The following ASXL3 variants were observed in gnomAD, a reference collection of about 807,000 sequenced individuals.
ASXL3 encodes the protein ASXL transcriptional regulator 3.
Under a neutral mutation model 170.6 loss-of-function variants are expected in ASXL3, and 34 were observed. That is an observed-to-expected ratio of 0.20 (90% confidence interval 0.15 to 0.27). ASXL3 has a LOEUF of 0.27. ASXL3 is among the 10% of genes least tolerant of loss of function. ASXL3 has a pLI of 1.00. For missense variants in ASXL3, 2,592 were observed against 2,695.3 expected, an observed-to-expected ratio of 0.96 and a Z score of 0.85; for synonymous variants, 1,002 against 989.1, an observed-to-expected ratio of 1.01 and a Z score of -0.24.
intron 4 of ASXL3, among the ~76,000 whole-genome samples, chr18:33,653,659 A>G (rs1005750921): frequency 3.9e-5 from 6 of 152,064 alleles, no homozygotes; most frequent in African/African-American, 1.4e-4. Flanking sequence ...TCAAAAGATC[A>G]TGAAGCCCTG....
At chr18:33,675,363 C>A (rs535370264) in intron 7 of ASXL3, among the ~76,000 whole-genome samples, 1 of 152,208 alleles carries the variant, frequency 6.6e-6, no homozygotes, top group East Asian at 1.9e-4. Flanking sequence ...TCTATTTTTT[C>A]CACCTGAGTT....
chr18:33,720,180 A>C (rs2067235369), intron 8 of ASXL3, among the ~76,000 whole-genome samples: 1 of 152,076 alleles, frequency 6.6e-6, no homozygotes. Flanking sequence ...CTATTAAAAA[A>C]GACATTTTAC....
chr18:33,729,102 G>C (rs1858737937), intron 8 of ASXL3, among the ~76,000 whole-genome samples: 1 of 151,646 alleles, frequency 6.6e-6, no homozygotes, highest in Admixed American at 6.6e-5. Flanking sequence ...AACCTCCTCA[G>C]CTCTTTCCTC....
intron 7 of ASXL3, among the ~76,000 whole-genome samples, chr18:33,677,830 G>A (rs148775761): frequency 4.6e-5 from 7 of 152,198 alleles, no homozygotes; most frequent in African/African-American, 1.7e-4. Context: ...CCTTCTGATA[G>A]ATATTTTTCC....
chr18:33,615,878 A>G (rs2065414518), intron 2 of ASXL3, among the ~76,000 whole-genome samples: 2 of 152,124 alleles, frequency 1.3e-5, no homozygotes. Context: ...TGAATTTCTA[A>G]TCTGGCCGTT....
rs2067637004 is a variant in ASXL3 at position 33,740,214 on chromosome 18, C to T, written c.2810C>T (p.Ser937Leu). ...QGSTQSRLET[S>L]HTSKSSEPSK... ...AGTACACAGAGTCGGTTAGAAACCT[C>T]ACATACTTCCAAGTCATCAGAGCCC... Residue 937 changes from serine to leucine, a missense_variant, in exon 11 of 12, where the codon TCA becomes TTA. Ser to Leu is a moderately radical substitution (Grantham distance 145). This residue lies in a region of ASXL3 where 2,246 missense variants were observed against 2,219.6 expected (regional missense o/e 1.01). Transcript: ENST00000269197. 1 of 1,613,680 alleles carries T rather than the reference C, an allele frequency of 6.2e-7. No individual in the cohort carries two copies. The highest frequency in any genetic ancestry group is 1.1e-5 in the South Asian group (1 of 91,072).
At chr18:33,623,854 T>A (rs951804889) in intron 2 of ASXL3, among the ~76,000 whole-genome samples, 1 of 152,160 alleles carries the variant, frequency 6.6e-6, no homozygotes, top group Admixed American at 6.6e-5. Context: ...TTGTTTTTAA[T>A]ATATATTAAC....
At position 33,746,210 on chromosome 18, in the gene ASXL3, A is replaced by C. The variant is rs372915241; in HGVS notation, c.6362A>C (p.Asp2121Ala). The C allele has an allele frequency of 1.9e-6, 3 of 1,613,870 alleles. No homozygotes were observed. The East Asian group carries it at 6.7e-5, about 36-fold the overall frequency. ...QLKAFALKSA[D>A]FSSYLLSEPQ... ...AAAGCATTCGCGCTAAAAAGTGCAG[A>C]TTTCTCTTCCTATTTGCTTTCTGAG... Residue 2121 changes from aspartate (D) to alanine (A), a missense_variant, in exon 12 of 12, where the codon GAT becomes GCT. Transcript: ENST00000269197.
chr18:33,653,756 C>T (rs1020123763), intron 4 of ASXL3, among the ~76,000 whole-genome samples: 3 of 151,990 alleles, frequency 2.0e-5, no homozygotes, highest in African/African-American at 7.2e-5. Context: ...GGATAGAAAT[C>T]GCACAGTCCC....
chr18:33,662,607 CAA>C (rs553078319), intron 5 of ASXL3, among the ~76,000 whole-genome samples: 39 of 152,194 alleles, frequency 2.6e-4, no homozygotes, highest in African/African-American at 9.1e-4. Flanking sequence ...GATGATAACA[CAA>C]AGAGTGTCAG....
chr18:33,584,180 C>G (rs770567401), intron 1 of ASXL3, among the ~76,000 whole-genome samples: 1 of 151,936 alleles, frequency 6.6e-6, no homozygotes, highest in African/African-American at 2.4e-5. Context: ...GAAGAGAGAA[C>G]GACATGGACA....
rs368307519 is a variant in ASXL3 at position 33,738,764 on chromosome 18, A to T, written c.1360A>T (p.Ile454Phe). 16 of 1,613,868 alleles carry T rather than the reference A, an allele frequency of 9.9e-6. No individual in the cohort carries two copies. The highest frequency in any genetic ancestry group is 1.2e-5 in the Non-Finnish European group (14 of 1,179,878). The change falls in exon 11 of 12, where the codon ATT (isoleucine) becomes TTT (phenylalanine). Residue 454 changes from isoleucine to phenylalanine, a missense_variant. Around this residue, in one of 4 missense-constraint regions of ASXL3, gnomAD observed 2,246 missense variants for 2,219.6 expected, o/e 1.01. Coordinates refer to ENST00000269197, the MANE Select transcript of ASXL3 (RefSeq NM_030632.3). ...TGAAGAATCTGTAATTCAGGAGGAA[A>T]TTGCAGAAGAGGTAGAGACTAGTAT... is the stretch of plus-strand genomic sequence containing the variant. ...IPEESVIQEE[I>F]AEEVETSICE...
chr18:33,705,968 G>A (rs2066948902), intron 8 of ASXL3, among the ~76,000 whole-genome samples: 1 of 151,728 alleles, frequency 6.6e-6, no homozygotes, highest in South Asian at 2.1e-4. Context: ...ACTTTTGTCT[G>A]TTTTTGAACT....
At chr18:33,654,663 A>G (rs1016896782) in intron 4 of ASXL3, among the ~76,000 whole-genome samples, 6 of 149,684 alleles carry the variant, frequency 4.0e-5, no homozygotes, top group Admixed American at 1.3e-4. Flanking sequence ...AACCTGATGC[A>G]GTGTAGATCA....
At chr18:33,625,820 A>G (rs2065594102) in intron 2 of ASXL3, 1 of 152,176 alleles carries the variant, frequency 6.6e-6, no homozygotes, top group South Asian at 2.1e-4. Context: ...TTAAGTGGAG[A>G]TAAGAAGACA....
chr18:33,587,005 A>G (rs1002981232), intron 1 of ASXL3, among the ~76,000 whole-genome samples: 2 of 152,132 alleles, frequency 1.3e-5, no homozygotes, highest in East Asian at 1.9e-4. Context: ...CATTCACTAC[A>G]TCTTACTTAG....
At chr18:33,705,893 C>T (rs542878665) in intron 8 of ASXL3, among the ~76,000 whole-genome samples, 40 of 151,924 alleles carry the variant, frequency 2.6e-4, no homozygotes, top group African/African-American at 9.2e-4. Flanking sequence ...TGGAAACTCC[C>T]GTTGCCGTTT....
At chr18:33,603,422 T>A (rs2065206223) in intron 1 of ASXL3, among the ~76,000 whole-genome samples, 1 of 151,824 alleles carries the variant, frequency 6.6e-6, no homozygotes. Flanking sequence ...CTTTTTTGCA[T>A]TTTTTTTCTC....
intron 2 of ASXL3, among the ~76,000 whole-genome samples, chr18:33,641,091 T>C (rs956816084): frequency 2.6e-5 from 4 of 152,142 alleles, no homozygotes; most frequent in Non-Finnish European, 5.9e-5. Flanking sequence ...AGTCTTCCAA[T>C]TGCATTCCCC....
Sources: allele counts gnomAD v4.1 joint callset (sites outside exome capture counted in the v4.1 genomes callset), GRCh38; gene constraint gnomAD v4.1.1; regional missense constraint gnomAD v4.1.1; transcripts MANE v1.5; gene names NCBI Gene and HGNC (gene_info 2026-07-23, HGNC 2026-07-21).